GET1: variants seen among roughly 807,000 people sequenced by gnomAD.
GET1 encodes the protein congenital heart disease 5 protein.
A neutral mutation model predicts 22.6 loss-of-function variants in GET1; 20 were observed. That is an observed-to-expected ratio of 0.89 (90% CI 0.62 to 1.29). The LOEUF is 1.29. Among genes scored for constraint, GET1 ranks in the 50% most tolerant of loss-of-function variants. The pLI is 0.00. For missense variants in GET1, 209 were observed against 219.9 expected (o/e 0.95, Z 0.31); for synonymous variants, 92 against 83.8 (o/e 1.10, Z -0.53).
Position 39,388,365 on chromosome 21 carries a change from C to T in GET1, c.103-2333C>T, listed in dbSNP as rs143357802. Among the ~76,000 whole-genome samples, 293 of 152,282 alleles carry T rather than the reference C, an allele frequency of 1.9e-3. 1 individual carries two copies. The highest frequency in any genetic ancestry group is 6.9e-3 in the African/African-American group (285 of 41,550). Reference sequence around the variant, plus strand: ...ACGTTACCACGATCTGATCCTCAGACCCCATGCAGGTTCCCCACGTTTCGC... The same window carrying T: ...ACGTTACCACGATCTGATCCTCAGATCCCATGCAGGTTCCCCACGTTTCGC... On this transcript the variant is annotated intron_variant, in intron 1 of 4. Transcript: ENST00000649170.
rs573635487 is a variant in GET1, at chr21:39,382,987, G to A, written c.102+2501G>A. On this transcript the variant is annotated intron_variant, in intron 1 of 4. Coordinates refer to ENST00000649170, the MANE Select transcript of GET1 (RefSeq NM_004627.6). ...ATTTTTTGAGATGGAGTCTTGCTCC[G>A]TTGCCCAGGCTGGAGTGCAGTAGCG... is the stretch of plus-strand genomic sequence containing the variant. Among the ~76,000 whole-genome samples the A allele has an allele frequency of 2.7e-4, 40 of 150,722 alleles. No individual in the cohort carries two copies. The South Asian group carries it at 8.0e-3, about 30-fold the overall frequency.
At chr21:39,410,122 C>A (rs374111953), downstream of GET1, 30 of 1,502,482 alleles carry the variant, frequency 2.0e-5, 1 homozygote, top group African/African-American at 4.0e-4. Flanking sequence ...GCAGCAAAAA[C>A]ACATTTTGGG....
chr21:39,401,794 C>T (rs930033440), downstream of GET1, among the ~76,000 whole-genome samples: 12 of 151,986 alleles, frequency 7.9e-5, no homozygotes, highest in South Asian at 6.2e-4. Flanking sequence ...CATATTTTTT[C>T]GTTATTATAT....
Position 39,380,425 on chromosome 21 carries a change from T to C in GET1, c.41T>C (p.Val14Ala), listed in dbSNP as rs2037480724. The C allele has an allele frequency of 6.2e-7, 1 of 1,612,808 alleles. No individual in the cohort carries two copies. The highest frequency in any genetic ancestry group is 1.3e-5 in the African/African-American group (1 of 75,040). ...AAADHWAWLL[V>A]LSFVFGCNVL... The stretch of plus-strand genomic sequence containing the variant: ...GCCGACCACTGGGCGTGGTTGCTGG[T>C]GCTCAGCTTCGTGTTTGGATGCAAT... The change falls in exon 1 of 5, where the codon GTG (valine) becomes GCG (alanine). Residue 14 changes from valine to alanine, a missense_variant. Val to Ala is a moderately conservative substitution (Grantham distance 64). Coordinates refer to ENST00000649170, the MANE Select transcript of GET1 (RefSeq NM_004627.6).
At chr21:39,388,563 T>C (rs1169455719) in intron 1 of GET1, among the ~76,000 whole-genome samples, 1 of 152,204 alleles carries the variant, frequency 6.6e-6, no homozygotes, top group African/African-American at 2.4e-5. Context: ...GCATGTCTGA[T>C]ACTTGGTAGG....
chr21:39,425,927 G>A (rs372619891), intron 1 of GET1: 83 of 152,496 alleles, frequency 5.4e-4, no homozygotes, highest in African/African-American at 1.9e-3. Flanking sequence ...ATGGCCACAG[G>A]AGCTCTGGCC....
intron 1 of GET1, among the ~76,000 whole-genome samples, chr21:39,388,440 T>C (rs756374609): frequency 3.3e-5 from 5 of 152,332 alleles, no homozygotes; most frequent in Non-Finnish European, 5.9e-5. Context: ...ATGCATTGCA[T>C]TTCCCGGCCT....
rs1350743265 is a variant in GET1 at position 39,395,059 on chromosome 21, G to A, written c.451+1779G>A. ...TAATTAAAAAAAAAAGTTTTTTATA[G>A]AGATGGGGTCTTGCTTTGTTGCTTA... On this transcript the variant is annotated intron_variant, in intron 4 of 4. Coordinates refer to ENST00000649170, the MANE Select transcript of GET1 (RefSeq NM_004627.6). Among the ~76,000 whole-genome samples, 5 of 151,986 alleles carry A rather than the reference G, an allele frequency of 3.3e-5. No individual in the cohort carries two copies. In the East Asian group the frequency reaches 9.7e-4, roughly 29 times the overall value.
chr21:39,428,500 CAACCTAATAAAAGAAAAGTAA>C, exon 2 of GET1: 7 of 1,496,694 alleles, frequency 4.7e-6, no homozygotes, highest in Non-Finnish European at 6.2e-6. Flanking sequence ...ACATAGCAAA[CAACCTAATAAAAGAAAAGTAA>C]AACCTAATAA....
chr21:39,406,270 C>G, exon 5 of GET1: 3 of 1,614,172 alleles, frequency 1.9e-6, no homozygotes, highest in Non-Finnish European at 2.5e-6. Context: ...ATTGGCTGGC[C>G]CCCCTGAAGC....
Position 39,390,740 on chromosome 21 carries a change from A to G in GET1, c.145A>G (p.Met49Val). Residue 49 changes from methionine to valine, a missense_variant, in exon 2 of 5, where the codon ATG (methionine) becomes GTG (valine). Coordinates refer to ENST00000649170, the MANE Select transcript of GET1 (RefSeq NM_004627.6). ...LQKDAEQESQ[M>V]RAEIQDMKQE... ...GAAGGACGCGGAGCAGGAGTCACAG[A>G]TGAGAGCGGAGATCCAGGACATGAA... 1 of 1,614,174 alleles carries G rather than the reference A, an allele frequency of 6.2e-7. No homozygotes were observed. Among genetic ancestry groups the G allele is most frequent in the Non-Finnish European group, 8.5e-7 (1 of 1,180,022 alleles).
At chr21:39,427,294 G>A (rs965470460) in intron 1 of GET1, among the ~76,000 whole-genome samples, 1 of 152,176 alleles carries the variant, frequency 6.6e-6, no homozygotes, top group Non-Finnish European at 1.5e-5. Flanking sequence ...AGGGAAGGAG[G>A]AAGAAAGGAG....
intron 1 of GET1, chr21:39,411,842 G>T: frequency 8.6e-7 from 1 of 1,158,538 alleles, no homozygotes; most frequent in Non-Finnish European, 1.3e-6. Flanking sequence ...ATAAATGCTT[G>T]CTTTTGTCAA....
intron 4 of GET1, among the ~76,000 whole-genome samples, chr21:39,395,038 T>TAAAA (rs1251487567): frequency 6.7e-6 from 1 of 148,708 alleles, no homozygotes; most frequent in African/African-American, 2.5e-5. Context: ...CCCAGCTAAT[T>TAAAA]AAAAAAAAAA....
At chr21:39,414,738 C>CTG (rs763309098) in intron 1 of GET1, among the ~76,000 whole-genome samples, 20,486 of 105,788 alleles carry the variant, frequency 0.19, 1,892 homozygotes, top group South Asian at 0.26. Context: ...CTCTCTCTCT[C>CTG]TCTCTGTGTG....
intron 1 of GET1, chr21:39,380,691 G>T: frequency 7.2e-7 from 1 of 1,385,222 alleles, no homozygotes; most frequent in Non-Finnish European, 9.4e-7. Flanking sequence ...GTTCTAGGGG[G>T]TTGGGAGAAA....
chr21:39,403,546 C>T (rs369233793), intron 4 of GET1, among the ~76,000 whole-genome samples: 2 of 120,860 alleles, frequency 1.7e-5, no homozygotes, highest in East Asian at 2.0e-4. Context: ...AGGATGGTCT[C>T]GATCTGACTT....
At chr21:39,407,229 C>T (rs555044949), downstream of GET1, among the ~76,000 whole-genome samples, 253 of 152,068 alleles carry the variant, frequency 1.7e-3, no homozygotes, top group African/African-American at 5.9e-3. Context: ...TGTTTCAAAA[C>T]AAAACAAAAC....
At chr21:39,389,886 C>A (rs553458192) in intron 1 of GET1, among the ~76,000 whole-genome samples, 1 of 152,292 alleles carries the variant, frequency 6.6e-6, no homozygotes, top group Admixed American at 6.5e-5. Context: ...TTACATGTTC[C>A]CTGTCACTGG....
Sources: allele counts gnomAD v4.1 joint callset (sites outside exome capture counted in the v4.1 genomes callset), GRCh38; gene constraint gnomAD v4.1.1; transcripts MANE v1.5; gene names NCBI Gene and HGNC (gene_info 2026-07-23, HGNC 2026-07-21).